Variants in GSTCD observed in about 807,000 individuals in gnomAD.
GSTCD encodes glutathione S-transferase C-terminal domain-containing protein.
A neutral mutation model predicts 68.3 loss-of-function variants in GSTCD; 44 were observed. That is an observed-to-expected ratio of 0.64 (90% CI 0.51 to 0.83). GSTCD has a LOEUF of 0.83. Among genes scored for constraint, GSTCD ranks in the 40% least tolerant of loss-of-function variants. The probability of loss-of-function intolerance (pLI) is 0.00; values close to 1 mark genes in which losing one functional copy is unlikely to be tolerated. For synonymous variants in GSTCD, 273 were observed against 255.2 expected (o/e 1.07, Z -0.67); for missense variants, 739 against 735.9 (o/e 1.00, Z -0.05).
intron 5 of GSTCD, among the ~76,000 whole-genome samples, chr4:105,756,398 G>T (rs928136201): frequency 6.6e-6 from 1 of 151,826 alleles, no homozygotes; most frequent in Non-Finnish European, 1.5e-5. Context: ...CCACCCAAGA[G>T]TTGCCTCATT....
At chr4:105,765,933 A>T (rs1734589765) in intron 5 of GSTCD, among the ~76,000 whole-genome samples, 1 of 152,148 alleles carries the variant, frequency 6.6e-6, no homozygotes, top group South Asian at 2.1e-4. Flanking sequence ...CGGAACTGTG[A>T]GTCAATTAAA....
intron 5 of GSTCD, among the ~76,000 whole-genome samples, chr4:105,736,637 G>A (rs1346415291): frequency 6.6e-6 from 1 of 152,008 alleles, no homozygotes; most frequent in African/African-American, 2.4e-5. Context: ...CCAGCTGTTT[G>A]AACTGTTATT....
intron 7 of GSTCD, 129 bp downstream of exon 7, chr4:105,823,404 C>A: frequency 1.6e-6 from 1 of 628,050 alleles, no homozygotes. Flanking sequence ...CAGGCATTGT[C>A]TTTTCTTTGA....
At chr4:105,826,339 A>G (rs567893663) in intron 8 of GSTCD, among the ~76,000 whole-genome samples, 2 of 152,202 alleles carry the variant, frequency 1.3e-5, no homozygotes, top group South Asian at 2.1e-4. Context: ...TCCCTAAGAT[A>G]TGTAATTCTG....
chr4:105,786,797 T>C (rs1735485206), intron 5 of GSTCD, among the ~76,000 whole-genome samples: 1 of 152,092 alleles, frequency 6.6e-6, no homozygotes, highest in South Asian at 2.1e-4. Context: ...GAGATACCAC[T>C]CCACATCTGA....
chr4:105,808,925 T>C (rs1019534643), intron 5 of GSTCD, among the ~76,000 whole-genome samples: 1 of 152,190 alleles, frequency 6.6e-6, no homozygotes, highest in African/African-American at 2.4e-5. Flanking sequence ...GATCGACAGC[T>C]GCAATATTGC....
At chr4:105,720,767 G>A (rs532198961) in intron 3 of GSTCD, among the ~76,000 whole-genome samples, 2 of 152,052 alleles carry the variant, frequency 1.3e-5, no homozygotes, top group African/African-American at 2.4e-5. Context: ...ACCAAGTTCC[G>A]TCATTAGAGC....
intron 5 of GSTCD, among the ~76,000 whole-genome samples, chr4:105,808,152 T>C (rs144807008): frequency 0.01 from 1,570 of 152,182 alleles, 36 homozygotes; most frequent in Non-Finnish European, 0.011. Context: ...AGTTGATCAT[T>C]TTTCTCTTGA....
At chr4:105,772,364 G>A (rs918025201) in intron 5 of GSTCD, among the ~76,000 whole-genome samples, 5 of 152,022 alleles carry the variant, frequency 3.3e-5, no homozygotes, top group Non-Finnish European at 7.4e-5. Flanking sequence ...TCTTTCTCTT[G>A]CCTGATTGCC....
chr4:105,845,289 A>G (rs1724504492), intron 11 of GSTCD, 152 bp from the exon 12 acceptor site: 1 of 659,500 alleles, frequency 1.5e-6, no homozygotes, highest in Non-Finnish European at 2.5e-6. Context: ...ATTGATCAAG[A>G]AGTAAATTGA....
chr4:105,714,637 AT>A (rs199647332), intron 1 of GSTCD, among the ~76,000 whole-genome samples: 21,981 of 148,594 alleles, frequency 0.15, 2,292 homozygotes, highest in African/African-American at 0.3. Context: ...AAGGAGAGTA[AT>A]TTTTTTTTTT....
At position 105,750,390 on chromosome 4, in the gene GSTCD, G is replaced by A. The variant is rs147277765; in HGVS notation, c.1240+20891G>A. On this transcript the variant is annotated intron_variant, in intron 5 of 11. Coordinates refer to ENST00000515279, the MANE Select transcript of GSTCD (RefSeq NM_001370181.1). Reference sequence around the variant, plus strand: ...CAGGAGAATTGCTTGAATCTGGGAGGCGGAGGTTGCTGTGAGCCGAGATTG... The same window carrying A: ...CAGGAGAATTGCTTGAATCTGGGAGACGGAGGTTGCTGTGAGCCGAGATTG... Among the ~76,000 whole-genome samples the A allele has an allele frequency of 3.0e-3, 448 of 151,476 alleles. 9 individuals are homozygous for A. In the East Asian group the frequency reaches 0.065, roughly 22 times the overall value.
At chr4:105,816,064 C>T (rs1722968762) in intron 5 of GSTCD, among the ~76,000 whole-genome samples, 1 of 151,908 alleles carries the variant, frequency 6.6e-6, no homozygotes, top group Non-Finnish European at 1.5e-5. Context: ...TTCCATTATT[C>T]ACTGTATGTA....
chr4:105,835,258 C>T (rs932825461), intron 9 of GSTCD, among the ~76,000 whole-genome samples: 1 of 152,168 alleles, frequency 6.6e-6, no homozygotes, highest in Non-Finnish European at 1.5e-5. Context: ...TGGGCTCACT[C>T]CACTCACTCA....
At chr4:105,830,246 A>G (rs1446100398) in intron 8 of GSTCD, among the ~76,000 whole-genome samples, 1 of 151,424 alleles carries the variant, frequency 6.6e-6, no homozygotes, top group Non-Finnish European at 1.5e-5. Context: ...CCACAGAGGG[A>G]AAAAAAAATA....
chr4:105,802,534 G>C (rs1736144715), intron 5 of GSTCD, among the ~76,000 whole-genome samples: 1 of 151,924 alleles, frequency 6.6e-6, no homozygotes. Context: ...ACTATTTTCT[G>C]TCTAGTAATA....
chr4:105,799,595 C>A (rs1411819138), intron 5 of GSTCD, among the ~76,000 whole-genome samples: 1 of 152,104 alleles, frequency 6.6e-6, no homozygotes, highest in East Asian at 1.9e-4. Flanking sequence ...ACACACACAA[C>A]ATTTATTGAT....
chr4:105,764,542 G>A (rs569859007), intron 5 of GSTCD, among the ~76,000 whole-genome samples: 3 of 152,160 alleles, frequency 2.0e-5, no homozygotes, highest in South Asian at 4.1e-4. Flanking sequence ...GCTTTCTGGC[G>A]AGGCTTCTCT....
At chr4:105,778,279 T>C (rs1157251645) in intron 5 of GSTCD, among the ~76,000 whole-genome samples, 4 of 152,146 alleles carry the variant, frequency 2.6e-5, no homozygotes, top group African/African-American at 9.6e-5. Flanking sequence ...ACACCCCATA[T>C]ATAGACTACA....
Sources: allele counts gnomAD v4.1 joint callset (sites outside exome capture counted in the v4.1 genomes callset), GRCh38; gene constraint gnomAD v4.1.1; transcripts MANE v1.5; gene names NCBI Gene and HGNC (gene_info 2026-07-23, HGNC 2026-07-21).